SLC2A9: variants seen among roughly 807,000 people sequenced by gnomAD.
SLC2A9 encodes the protein solute carrier family 2 member 9, also known as solute carrier family 2, facilitated glucose transporter member 9.
In SLC2A9, 39 loss-of-function variants were observed where a neutral mutation model predicts 50.6. The ratio of observed to expected loss-of-function variants is 0.77; its 90% confidence interval spans 0.60 to 1.01. The LOEUF is 1.01. Ranked by LOEUF, SLC2A9 falls within the 50% of genes least tolerant of loss-of-function variation. SLC2A9 has a pLI of 0.00. For synonymous variants in SLC2A9, 324 were observed against 276.9 expected (o/e 1.17, Z -1.69); for missense variants, 686 against 677.6 (o/e 1.01, Z -0.14).
chr4:10,027,964 A>T (rs1259358137), intron 1 of SLC2A9, among the ~76,000 whole-genome samples: 2 of 152,112 alleles, frequency 1.3e-5, no homozygotes, highest in Non-Finnish European at 2.9e-5. Flanking sequence ...GTATCCATGA[A>T]TCCACCTCTC....
chr4:9,795,590 C>A (rs547070258), downstream of SLC2A9, among the ~76,000 whole-genome samples: 1 of 152,292 alleles, frequency 6.6e-6, no homozygotes, highest in East Asian at 1.9e-4. Context: ...CAGAAATGTT[C>A]TCCCTGAGAG....
chr4:10,025,885 G>GA (rs61256984), upstream of SLC2A9: 5,396 of 1,411,122 alleles, frequency 3.8e-3, 1 homozygote, highest in East Asian at 4.5e-3. Flanking sequence ...AAGGGAGACA[G>GA]AAAAAAAAAA....
chr4:9,914,912 T>C (rs958878256), intron 7 of SLC2A9, among the ~76,000 whole-genome samples: 7 of 152,136 alleles, frequency 4.6e-5, no homozygotes, highest in African/African-American at 1.7e-4. Flanking sequence ...ATTTTAAGAG[T>C]GGCCAGAAAA....
downstream of SLC2A9, among the ~76,000 whole-genome samples, chr4:9,775,874 G>A (rs760181473): frequency 6.6e-6 from 1 of 152,176 alleles, no homozygotes; most frequent in Admixed American, 6.5e-5. Context: ...AGACTAGCTA[G>A]CACATGGGCC....
upstream of SLC2A9, among the ~76,000 whole-genome samples, chr4:10,022,574 C>T (rs1341723722): frequency 1.3e-5 from 2 of 152,202 alleles, no homozygotes; most frequent in Non-Finnish European, 2.9e-5. Context: ...ACAGTTTGCT[C>T]CCAGAAGCAG....
At chr4:9,804,740 C>T (rs140726714) in intron 3 of SLC2A9, among the ~76,000 whole-genome samples, 27 of 152,296 alleles carry the variant, frequency 1.8e-4, no homozygotes, top group African/African-American at 3.1e-4. Flanking sequence ...TGCAGCAGGA[C>T]GGACAGGAGA....
chr4:9,895,699 T>C (rs556624436), intron 8 of SLC2A9, among the ~76,000 whole-genome samples: 2 of 152,332 alleles, frequency 1.3e-5, no homozygotes, highest in African/African-American at 4.8e-5. Flanking sequence ...TATAAAGGTG[T>C]AGTTTTCATT....
intron 6 of SLC2A9, among the ~76,000 whole-genome samples, chr4:9,921,075 A>T (rs1743866369): frequency 6.6e-6 from 1 of 152,216 alleles, no homozygotes; most frequent in African/African-American, 2.4e-5. Context: ...TCCGGAGACC[A>T]GTAGGATGTC....
chr4:9,822,455 G>C (rs192089636), downstream of SLC2A9, among the ~76,000 whole-genome samples: 1 of 151,908 alleles, frequency 6.6e-6, no homozygotes, highest in Non-Finnish European at 1.5e-5. Context: ...CTTTATCATG[G>C]GTAATTCCTC....
intron 5 of SLC2A9, among the ~76,000 whole-genome samples, chr4:9,957,567 A>C (rs76093882): frequency 0.015 from 2,267 of 152,362 alleles, 69 homozygotes; most frequent in African/African-American, 0.051. Flanking sequence ...GCAGGGGGCA[A>C]TACACCCTAT....
At chr4:9,912,884 C>T (rs1044675269) in intron 7 of SLC2A9, among the ~76,000 whole-genome samples, 1 of 152,168 alleles carries the variant, frequency 6.6e-6, no homozygotes, top group African/African-American at 2.4e-5. Flanking sequence ...AATGTAATCA[C>T]CAGGGTCCTT....
chr4:9,891,873 A>G (rs551706537), intron 8 of SLC2A9, among the ~76,000 whole-genome samples: 4 of 152,184 alleles, frequency 2.6e-5, no homozygotes, highest in Non-Finnish European at 5.9e-5. Context: ...GACAAGGGGA[A>G]GCAGTGACGC....
intron 8 of SLC2A9, among the ~76,000 whole-genome samples, chr4:9,904,616 T>C (rs1481477736): frequency 6.6e-6 from 1 of 152,216 alleles, no homozygotes; most frequent in South Asian, 2.1e-4. Flanking sequence ...AGCCATTGTT[T>C]TGCCTACCAC....
chr4:9,775,758 A>G (rs1717468618), downstream of SLC2A9, among the ~76,000 whole-genome samples: 3 of 152,122 alleles, frequency 2.0e-5, no homozygotes, highest in Admixed American at 2.0e-4. Flanking sequence ...GCTTCTTGTA[A>G]AGCCCGCAAA....
intron 7 of SLC2A9, among the ~76,000 whole-genome samples, chr4:9,915,041 T>C (rs1742593783): frequency 2.0e-5 from 3 of 152,196 alleles, no homozygotes; most frequent in Admixed American, 2.0e-4. Context: ...GATACCACCT[T>C]TCTGGCCTGG....
intron 3 of SLC2A9, among the ~76,000 whole-genome samples, chr4:9,993,591 C>T (rs144559278): frequency 2.6e-4 from 40 of 152,204 alleles, no homozygotes; most frequent in Admixed American, 3.9e-4. Flanking sequence ...CTGTGTGTAT[C>T]GGAGCCCAGA....
chr4:9,940,631 T>C (rs1012706152), intron 6 of SLC2A9, among the ~76,000 whole-genome samples: 19 of 152,204 alleles, frequency 1.2e-4, no homozygotes, highest in Admixed American at 3.9e-4. Flanking sequence ...ACGGAATTCA[T>C]CCCTGTAAGC....
At chr4:9,789,701 G>T (rs1395420489) in intron 3 of SLC2A9, among the ~76,000 whole-genome samples, 2 of 152,368 alleles carry the variant, frequency 1.3e-5, no homozygotes, top group Middle Eastern at 3.4e-3. Flanking sequence ...ACTCACAAGA[G>T]CAGGCAGAGC....
intron 10 of SLC2A9, among the ~76,000 whole-genome samples, chr4:9,876,070 A>T (rs1422722852): frequency 1.3e-5 from 2 of 152,208 alleles, no homozygotes; most frequent in African/African-American, 4.8e-5. Context: ...GGTTCTTGGG[A>T]GGTGGCAAGA....
Sources: gnomAD v4.1 joint callset for allele counts (sites outside exome capture counted in the v4.1 genomes callset) on GRCh38, gnomAD v4.1.1 for gene constraint, MANE v1.5 for transcripts, NCBI Gene and HGNC (gene_info 2026-07-23, HGNC 2026-07-21) for gene names.